The following LRFN5 variants were observed in gnomAD, a reference collection of about 807,000 sequenced individuals.
The protein encoded by LRFN5 is leucine-rich repeat and fibronectin type-III domain-containing protein 5.
A neutral mutation model predicts 45.6 loss-of-function variants in LRFN5; 24 were observed. The ratio of observed to expected loss-of-function variants is 0.53; its 90% CI spans 0.38 to 0.74. The LOEUF (loss-of-function observed/expected upper bound fraction) is 0.74, where lower values mean the gene tolerates loss of function less well. Ranked by LOEUF, LRFN5 falls within the 30% of genes least tolerant of loss-of-function variation. The probability of loss-of-function intolerance (pLI) is 0.00; values close to 1 mark genes in which losing one functional copy is unlikely to be tolerated. For missense variants in LRFN5, 776 were observed against 861.5 expected, an observed-to-expected ratio of 0.90 and a Z score of 1.24; for synonymous variants, 340 against 313.8, an observed-to-expected ratio of 1.08 and a Z score of -0.88.
At chr14:41,760,702 A>C (rs1885623396) in intron 1 of LRFN5, among the ~76,000 whole-genome samples, 1 of 152,064 alleles carries the variant, frequency 6.6e-6, no homozygotes, top group African/African-American at 2.4e-5. Flanking sequence ...GGGAGGAAGG[A>C]AAGAAGGGAA....
chr14:41,702,633 T>A lies in LRFN5; in HGVS notation c.-196-64221T>A, dbSNP rs118066077. The stretch of plus-strand genomic sequence containing the variant: ...ACATGCCACTGCGCCAGCTAATTTT[T>A]ATTTTTTATTTTTTTGAGATGGGGT... On this transcript the variant is annotated intron_variant, in intron 1 of 5. Coordinates refer to ENST00000298119, the MANE Select transcript of LRFN5 (RefSeq NM_152447.5). 1.6e-3 allele frequency among the ~76,000 whole-genome samples: 244 copies of A among 152,026 alleles called. 4 individuals carry two copies. The East Asian group carries it at 0.043, about 27-fold the overall frequency.
chr14:41,631,973 G>A (rs1360967107), intron 1 of LRFN5, among the ~76,000 whole-genome samples: 1 of 152,120 alleles, frequency 6.6e-6, no homozygotes, highest in Non-Finnish European at 1.5e-5. Context: ...TATTATAAAG[G>A]ATTGCTCTGG....
intron 2 of LRFN5, among the ~76,000 whole-genome samples, chr14:41,874,730 C>A (rs1275623371): frequency 2.0e-5 from 3 of 152,112 alleles, no homozygotes; most frequent in Non-Finnish European, 1.5e-5. Context: ...AATTCTCACA[C>A]TCCTAATAAA....
At chr14:41,782,023 A>G (rs1357037083) in intron 2 of LRFN5, among the ~76,000 whole-genome samples, 1 of 152,006 alleles carries the variant, frequency 6.6e-6, no homozygotes, top group African/African-American at 2.4e-5. Flanking sequence ...TGTACTGTGT[A>G]GTGTTCTCTG....
intron 2 of LRFN5, among the ~76,000 whole-genome samples, chr14:41,860,922 G>A (rs1470428197): frequency 6.6e-6 from 1 of 152,116 alleles, no homozygotes; most frequent in African/African-American, 2.4e-5. Flanking sequence ...AAAGAATAAT[G>A]CACTTTGAAA....
chr14:41,798,119 A>G (rs1199654138), intron 2 of LRFN5, among the ~76,000 whole-genome samples: 1 of 151,770 alleles, frequency 6.6e-6, no homozygotes, highest in Non-Finnish European at 1.5e-5. Flanking sequence ...ACAACCCTTC[A>G]TTACTCACCT....
At chr14:41,818,341 A>G (rs1020057494) in intron 2 of LRFN5, among the ~76,000 whole-genome samples, 4 of 151,994 alleles carry the variant, frequency 2.6e-5, no homozygotes, top group Non-Finnish European at 4.4e-5. Flanking sequence ...TTGTGAATCA[A>G]TTTAAACAGG....
intron 1 of LRFN5, among the ~76,000 whole-genome samples, chr14:41,706,097 CT>C (rs934465849): frequency 2.5e-4 from 37 of 149,064 alleles, no homozygotes; most frequent in Non-Finnish European, 4.2e-4. Context: ...AGTTCCGGAA[CT>C]TTTTTTTTTG....
intron 2 of LRFN5, among the ~76,000 whole-genome samples, chr14:41,831,404 C>A (rs1888475839): frequency 6.6e-6 from 1 of 151,936 alleles, no homozygotes; most frequent in African/African-American, 2.4e-5. Context: ...TCTATACATA[C>A]CATAAATATA....
intron 1 of LRFN5, among the ~76,000 whole-genome samples, chr14:41,671,865 G>C (rs773350451): frequency 1.3e-5 from 2 of 151,940 alleles, no homozygotes; most frequent in African/African-American, 4.8e-5. Context: ...TTATCCGCCC[G>C]CCTTGGCCTC....
intron 2 of LRFN5, among the ~76,000 whole-genome samples, chr14:41,838,193 TC>T (rs1352468506): frequency 6.6e-6 from 1 of 152,198 alleles, no homozygotes; most frequent in East Asian, 1.9e-4. Flanking sequence ...TAAGACTACA[TC>T]CATATTGGTT....
intron 2 of LRFN5, among the ~76,000 whole-genome samples, chr14:41,868,409 A>G (rs1443435864): frequency 2.0e-5 from 3 of 152,144 alleles, no homozygotes; most frequent in Admixed American, 6.6e-5. Context: ...AAAGAAACCA[A>G]TTGAATGCAC....
At chr14:41,827,825 A>G (rs2139026749) in intron 2 of LRFN5, among the ~76,000 whole-genome samples, 1 of 152,136 alleles carries the variant, frequency 6.6e-6, no homozygotes, top group East Asian at 1.9e-4. Context: ...ATGTTTCTAA[A>G]TTTGGGAACT....
chr14:41,691,846 T>G (rs925368265), intron 1 of LRFN5, among the ~76,000 whole-genome samples: 1 of 152,110 alleles, frequency 6.6e-6, no homozygotes, highest in African/African-American at 2.4e-5. Flanking sequence ...TATTTTTGAA[T>G]TTCATATGAA....
intron 1 of LRFN5, among the ~76,000 whole-genome samples, chr14:41,682,012 T>C (rs550511960): frequency 3.8e-3 from 578 of 151,744 alleles, no homozygotes; most frequent in Non-Finnish European, 6.0e-3. Flanking sequence ...GAGACAGGGT[T>C]TCACCATATT....
intron 1 of LRFN5, among the ~76,000 whole-genome samples, chr14:41,704,596 C>G (rs1425903325): frequency 6.6e-6 from 1 of 151,898 alleles, no homozygotes; most frequent in African/African-American, 2.4e-5. Context: ...GCGGGTGGAA[C>G]TACAGATGCG....
chr14:41,710,401 T>G (rs1208847776), intron 1 of LRFN5, among the ~76,000 whole-genome samples: 1 of 152,112 alleles, frequency 6.6e-6, no homozygotes, highest in African/African-American at 2.4e-5. Context: ...TTCTTAATCT[T>G]TTTTGAAATA....
chr14:41,748,748 C>T (rs1242373657), intron 1 of LRFN5, among the ~76,000 whole-genome samples: 2 of 151,912 alleles, frequency 1.3e-5, no homozygotes, highest in African/African-American at 2.4e-5. Context: ...AAGCCAGATG[C>T]GTATGGGCTT....
At chr14:41,750,312 T>C (rs1021010945) in intron 1 of LRFN5, among the ~76,000 whole-genome samples, 17 of 148,894 alleles carry the variant, frequency 1.1e-4, no homozygotes, top group African/African-American at 3.9e-4. Context: ...TTTTTATATG[T>C]ATATAAGATT....
Sources: gnomAD v4.1 joint callset for allele counts (sites outside exome capture counted in the v4.1 genomes callset) on GRCh38, gnomAD v4.1.1 for gene constraint, MANE v1.5 for transcripts, NCBI Gene and HGNC (gene_info 2026-07-23, HGNC 2026-07-21) for gene names.